CNTN6: variants seen among roughly 807,000 people sequenced by gnomAD.
CNTN6 encodes the protein contactin 6, also known as contactin-6.
In CNTN6, 137 loss-of-function variants were observed where a neutral mutation model predicts 122.8. That is an observed-to-expected ratio of 1.12 (90% CI 0.97 to 1.29). The LOEUF is 1.29. Among genes scored for constraint, CNTN6 ranks in the 50% most tolerant of loss-of-function variants. The pLI is 0.00. For synonymous variants in CNTN6, 570 were observed against 426.0 expected, an observed-to-expected ratio of 1.34 and a Z score of -4.16; for missense variants, 1,634 against 1,223.4, an observed-to-expected ratio of 1.34 and a Z score of -5.01.
chr3:1,244,672 T>C (rs188151960), intron 4 of CNTN6, among the ~76,000 whole-genome samples: 1 of 147,408 alleles, frequency 6.8e-6, no homozygotes, highest in African/African-American at 2.5e-5. Flanking sequence ...GTGTGAGCAA[T>C]AAAGCTGTTT....
At chr3:1,133,618 C>G (rs1043106064) in intron 1 of CNTN6, among the ~76,000 whole-genome samples, 1 of 151,914 alleles carries the variant, frequency 6.6e-6, no homozygotes, top group Non-Finnish European at 1.5e-5. Context: ...TTGAGGCGCT[C>G]ATGGAGCCAG....
At chr3:1,107,208 T>C (rs2091267642) in intron 1 of CNTN6, among the ~76,000 whole-genome samples, 1 of 152,104 alleles carries the variant, frequency 6.6e-6, no homozygotes. Context: ...ACAATGATAC[T>C]AGTAAGAGAA....
intron 4 of CNTN6, among the ~76,000 whole-genome samples, chr3:1,248,937 C>G (rs1388593727): frequency 1.3e-5 from 2 of 152,072 alleles, no homozygotes; most frequent in Non-Finnish European, 2.9e-5. Context: ...CTTAATCATT[C>G]AACTAATGCT....
intron 1 of CNTN6, among the ~76,000 whole-genome samples, chr3:1,139,674 AC>A (rs1381992263): frequency 6.6e-6 from 1 of 152,184 alleles, no homozygotes; most frequent in Non-Finnish European, 1.5e-5. Context: ...TCTGGGGCAA[AC>A]CCCAGAATCA....
intron 1 of CNTN6, among the ~76,000 whole-genome samples, chr3:1,106,315 A>C (rs2124992840): frequency 6.6e-6 from 1 of 152,292 alleles, no homozygotes; most frequent in Middle Eastern, 3.4e-3. Flanking sequence ...ACAAGAAAGA[A>C]CTTCTTATTT....
intron 11 of CNTN6, among the ~76,000 whole-genome samples, chr3:1,333,270 A>G (rs1702574266): frequency 6.6e-6 from 1 of 152,068 alleles, no homozygotes; most frequent in Non-Finnish European, 1.5e-5. Context: ...GTTCAATGCT[A>G]TATTTGAAAG....
intron 11 of CNTN6, among the ~76,000 whole-genome samples, chr3:1,339,229 C>T (rs187619677): frequency 6.6e-6 from 1 of 152,184 alleles, no homozygotes; most frequent in Admixed American, 6.5e-5. Flanking sequence ...CAGAACCCCA[C>T]TCAATGCCCT....
chr3:1,117,482 T>TG (rs1427772362), intron 1 of CNTN6, among the ~76,000 whole-genome samples: 2 of 152,208 alleles, frequency 1.3e-5, no homozygotes, highest in Non-Finnish European at 2.9e-5. Flanking sequence ...GATCGGTATG[T>TG]GACTTACTGT....
intron 4 of CNTN6, among the ~76,000 whole-genome samples, chr3:1,245,511 T>C (rs1355305327): frequency 1.3e-5 from 2 of 149,032 alleles, no homozygotes; most frequent in Admixed American, 1.4e-4. Context: ...ATAAGAATGA[T>C]ACAATGGATT....
intron 2 of CNTN6, among the ~76,000 whole-genome samples, chr3:1,165,906 C>T (rs890496822): frequency 5.9e-5 from 9 of 152,178 alleles, no homozygotes; most frequent in African/African-American, 2.2e-4. Flanking sequence ...TCCCTCTGAA[C>T]ACACATTTTC....
rs17037944 is a variant in CNTN6 at position 1,337,591 on chromosome 3, G to A, written c.1364+7656G>A. Among the ~76,000 whole-genome samples, 1,049 of 152,190 alleles carry A rather than the reference G, an allele frequency of 6.9e-3. 11 individuals are homozygous for A. The highest frequency in any genetic ancestry group is 0.024 in the Middle Eastern group (7 of 294). ...TACTTAATATAATAGTGCTTAGTAC[G>A]TCAGGTAGCATGAGTATCAAACAGG... is the stretch of plus-strand genomic sequence containing the variant. On this transcript the variant is annotated intron_variant, in intron 11 of 22. Coordinates refer to ENST00000446702, the MANE Select transcript of CNTN6 (RefSeq NM_001289080.2).
chr3:1,385,342 T>G (rs1005060863), intron 19 of CNTN6, among the ~76,000 whole-genome samples: 1 of 151,968 alleles, frequency 6.6e-6, no homozygotes, highest in Non-Finnish European at 1.5e-5. Context: ...AACCTTTAGA[T>G]AGCTCATAAA....
At chr3:1,104,011 T>G (rs546898768) in intron 1 of CNTN6, among the ~76,000 whole-genome samples, 2 of 152,226 alleles carry the variant, frequency 1.3e-5, no homozygotes, top group South Asian at 4.1e-4. Context: ...ATATTAGTAA[T>G]AATTCCACAA....
intron 2 of CNTN6, among the ~76,000 whole-genome samples, chr3:1,171,239 A>G (rs1476471002): frequency 1.3e-5 from 2 of 152,204 alleles, no homozygotes; most frequent in African/African-American, 2.4e-5. Flanking sequence ...TCATAAGTGA[A>G]TAACTGGGTT....
chr3:1,177,898 A>ATT (rs11303380), intron 2 of CNTN6, among the ~76,000 whole-genome samples: 4 of 133,418 alleles, frequency 3.0e-5, no homozygotes, highest in Admixed American at 7.5e-5. Flanking sequence ...TGCCCTTTCC[A>ATT]TTTTTTTTTT....
intron 4 of CNTN6, among the ~76,000 whole-genome samples, chr3:1,238,309 A>T (rs1049932874): frequency 6.6e-6 from 1 of 152,186 alleles, no homozygotes; most frequent in East Asian, 1.9e-4. Context: ...CAGACAAAAC[A>T]TACTTCAAAG....
At chr3:1,095,476 A>G (rs1229618334) in intron 1 of CNTN6, among the ~76,000 whole-genome samples, 1 of 152,142 alleles carries the variant, frequency 6.6e-6, no homozygotes, top group Non-Finnish European at 1.5e-5. Flanking sequence ...ATCTCAAACA[A>G]ACAAACAAAC....
chr3:1,119,192 GTT>G (rs796803601), intron 1 of CNTN6, among the ~76,000 whole-genome samples: 4 of 144,884 alleles, frequency 2.8e-5, no homozygotes, highest in Non-Finnish European at 4.6e-5. Context: ...GTGATTTCAG[GTT>G]TTTTTTTTTT....
intron 7 of CNTN6, among the ~76,000 whole-genome samples, chr3:1,300,589 G>C (rs1559756113): frequency 7.9e-6 from 1 of 127,012 alleles, no homozygotes; most frequent in East Asian, 1.9e-4. Context: ...AAGAAAGAAA[G>C]AAAGAAAGAA....
Sources: gnomAD v4.1 joint callset for allele counts (sites outside exome capture counted in the v4.1 genomes callset) on GRCh38, gnomAD v4.1.1 for gene constraint, MANE v1.5 for transcripts, NCBI Gene and HGNC (gene_info 2026-07-23, HGNC 2026-07-21) for gene names.